Variants in DISP1 observed in about 807,000 individuals in gnomAD.
DISP1 encodes dispatched RND transporter family member 1.
A neutral mutation model predicts 37.3 loss-of-function variants in DISP1; 30 were observed. The ratio of observed to expected loss-of-function variants is 0.80; its 90% CI spans 0.60 to 1.09. The LOEUF is 1.09. DISP1 is among the 50% of genes least tolerant of loss of function. DISP1 has a pLI of 0.00. For missense variants in DISP1, 1,598 were observed against 1,879.5 expected (o/e 0.85, Z 2.77); for synonymous variants, 634 against 690.2 (o/e 0.92, Z 1.28).
In DISP1 at chr1:223,005,000, C is replaced by T. The variant is rs779116132; in HGVS notation, c.3603C>T (p.Ser1201=). The change falls in exon 9 of 9, where the codon AGC becomes AGT. Residue 1201 remains serine (S), a synonymous_variant. Coordinates refer to ENST00000675850, the MANE Select transcript of DISP1 (RefSeq NM_001377229.1). The surrounding 1 kb of genome is among the most constrained non-coding windows in gnomAD (Gnocchi z 4.9). ...AATTAGAACCTCTGGCTTCCCACAGCTGCACTGCCCCTGAGAAGACCACTT... is the reference window on the plus strand; with the variant it reads ...AATTAGAACCTCTGGCTTCCCACAGTTGCACTGCCCCTGAGAAGACCACTT... ...FYELEPLASH[S]CTAPEKTTYE... The T allele has an allele frequency of 6.2e-7, 1 of 1,614,174 alleles. No individual in the cohort carries two copies. The highest frequency in any genetic ancestry group is 1.3e-5 in the African/African-American group (1 of 75,054).
intron 3 of DISP1, chr1:222,979,861 A>T (rs1677706352): frequency 5.0e-6 from 1 of 201,574 alleles, no homozygotes; most frequent in Non-Finnish European, 1.1e-5. Context: ...TACCAAACCC[A>T]CGCATGCCAG....
chr1:222,838,069 A>G (rs937682487), intron 1 of DISP1, among the ~76,000 whole-genome samples: 4 of 152,102 alleles, frequency 2.6e-5, no homozygotes, highest in African/African-American at 9.7e-5. Context: ...TTTTTTCCCA[A>G]TTTAATCATA....
At chr1:222,946,238 G>A (rs967069042) in intron 3 of DISP1, among the ~76,000 whole-genome samples, 1 of 145,180 alleles carries the variant, frequency 6.9e-6, no homozygotes, top group Non-Finnish European at 1.5e-5. Context: ...AAAAAAATTA[G>A]CCGGGCATGG....
chr1:222,970,662 T>G (rs1334134314), intron 3 of DISP1, among the ~76,000 whole-genome samples: 4 of 152,164 alleles, frequency 2.6e-5, no homozygotes, highest in Non-Finnish European at 5.9e-5. Flanking sequence ...CTAACTCTCC[T>G]TATTTTACAG....
chr1:222,936,764 A>T (rs529200712), intron 2 of DISP1, among the ~76,000 whole-genome samples: 11,296 of 50,584 alleles, frequency 0.22, 1,237 homozygotes, highest in African/African-American at 0.36. Flanking sequence ...ATGATATATA[A>T]AAATTATATA....
chr1:222,840,451 A>G (rs553387136), intron 1 of DISP1, among the ~76,000 whole-genome samples: 1 of 151,922 alleles, frequency 6.6e-6, no homozygotes, highest in Non-Finnish European at 1.5e-5. Context: ...CATGTTGGCC[A>G]GGCTGGTTCT....
At chr1:222,838,444 T>C (rs578198635) in intron 1 of DISP1, among the ~76,000 whole-genome samples, 78 of 152,184 alleles carry the variant, frequency 5.1e-4, no homozygotes, top group Non-Finnish European at 1.1e-3. Context: ...TCTTCCAATG[T>C]TATTATATAT....
intron 8 of DISP1, among the ~76,000 whole-genome samples, chr1:222,999,778 G>T (rs573224202): frequency 6.6e-6 from 1 of 152,066 alleles, no homozygotes; most frequent in Non-Finnish European, 1.5e-5. Flanking sequence ...TAAATTCAGC[G>T]TGTTGGCATC....
At chr1:222,940,377 A>G (rs1430437631) in intron 2 of DISP1, among the ~76,000 whole-genome samples, 4 of 152,052 alleles carry the variant, frequency 2.6e-5, no homozygotes, top group African/African-American at 9.7e-5. Context: ...CCCACTCACT[A>G]TCATGAGAAC....
At chr1:222,823,476 T>C (rs61838119) in intron 1 of DISP1, among the ~76,000 whole-genome samples, 17,110 of 151,816 alleles carry the variant, frequency 0.11, 1,239 homozygotes, top group South Asian at 0.16. Flanking sequence ...CTAAATAACA[T>C]GTACACATGG....
chr1:222,960,434 G>A (rs1675966960), intron 3 of DISP1, among the ~76,000 whole-genome samples: 1 of 152,152 alleles, frequency 6.6e-6, no homozygotes, highest in Non-Finnish European at 1.5e-5. Flanking sequence ...AGAACAAAGA[G>A]ACAACATGCT....
At position 222,936,712 on chromosome 1, in the gene DISP1, ATATATCATATATATGATATATAAAAAT is replaced by A. The variant is rs1219130702; in HGVS notation, c.-17-6089_-17-6063del. ...ATATATGATATATATCATATATATT[ATATATCATATATATGATATATAAAAAT>A]TATATATCATATATATGATATATAA... On this transcript the variant is annotated intron_variant, in intron 2 of 8. Transcript: ENST00000675850. Among the ~76,000 whole-genome samples the A allele has an allele frequency of 6.4e-5, 7 of 108,568 alleles. No individual in the cohort carries two copies. In the East Asian group the frequency reaches 1.7e-3, roughly 26 times the overall value. The allele number at this position is 108,568 out of a possible 152,430, so 71.2% of individuals were successfully genotyped here.
chr1:222,870,058 C>A (rs1248644386), intron 1 of DISP1, among the ~76,000 whole-genome samples: 4 of 151,954 alleles, frequency 2.6e-5, no homozygotes, highest in South Asian at 4.2e-4. Flanking sequence ...TTTGTCCTTG[C>A]GATAGTTTGC....
At chr1:222,996,733 T>C (rs753306111) in intron 8 of DISP1, among the ~76,000 whole-genome samples, 1 of 152,164 alleles carries the variant, frequency 6.6e-6, no homozygotes, top group Non-Finnish European at 1.5e-5. Context: ...TCAGGGGCAC[T>C]TCCAGGATTG....
At chr1:222,859,240 CA>C (rs1239164621) in intron 1 of DISP1, among the ~76,000 whole-genome samples, 1 of 152,156 alleles carries the variant, frequency 6.6e-6, no homozygotes. Context: ...AATAGAAAAC[CA>C]AACACCGCAT....
At position 222,951,382 on chromosome 1, in the gene DISP1, AG is replaced by A. The variant is rs562356818; in HGVS notation, c.509+8051del. On this transcript the variant is annotated intron_variant, in intron 3 of 8. Transcript: ENST00000675850. The stretch of plus-strand genomic sequence containing the variant: ...CTTTTAAAACAAAAAAAAAAAAGTA[AG>A]AAATGAGAATTCTCATGTTATATTA... Among the ~76,000 whole-genome samples the A allele has an allele frequency of 2.2e-3, 338 of 151,978 alleles. 2 individuals are homozygous for A. Among genetic ancestry groups the A allele is most frequent in the African/African-American group, 7.6e-3 (313 of 41,450 alleles).
At chr1:222,926,647 C>T (rs1389942864) in intron 1 of DISP1, among the ~76,000 whole-genome samples, 1 of 152,146 alleles carries the variant, frequency 6.6e-6, no homozygotes, top group East Asian at 1.9e-4. Flanking sequence ...GCATGCCTAA[C>T]AGCGCCATAA....
At chr1:222,992,228 G>A in intron 7 of DISP1, 118 bp downstream of exon 7, 1 of 852,186 alleles carries the variant, frequency 1.2e-6, no homozygotes, top group South Asian at 1.5e-5. Context: ...CACTGTTGCT[G>A]TTGAACCTAA....
At chr1:222,918,262 G>GAACTGGGAAATT (rs1230166374) in intron 1 of DISP1, among the ~76,000 whole-genome samples, 1 of 152,174 alleles carries the variant, frequency 6.6e-6, no homozygotes, top group Non-Finnish European at 1.5e-5. Context: ...CCCAGTCAGA[G>GAACTGGGAAATT]AACTGGTTAC....
Sources: allele counts gnomAD v4.1 joint callset (sites outside exome capture counted in the v4.1 genomes callset), GRCh38; gene constraint gnomAD v4.1.1; non-coding constraint Gnocchi (gnomAD v3.1); transcripts MANE v1.5; gene names NCBI Gene and HGNC (gene_info 2026-07-23, HGNC 2026-07-21).